CFAP210: variants seen among roughly 807,000 people sequenced by gnomAD.
CFAP210 encodes the protein cilia- and flagella- associated protein 210.
chr2:169,663,211 G>A, the CFAP210 span, among the ~76,000 whole-genome samples: 75 of 151,350 alleles, frequency 5.0e-4, 2 homozygotes, highest in East Asian at 0.014. Flanking sequence ...GAAAACTCAC[G>A]CATCCTTGCT....
chr2:169,683,089 C>A, the CFAP210 span, among the ~76,000 whole-genome samples: 3 of 152,082 alleles, frequency 2.0e-5, no homozygotes, highest in Non-Finnish European at 4.4e-5. Context: ...ATAAAGTCTT[C>A]TTGGGGTTTA....
the CFAP210 span, among the ~76,000 whole-genome samples, chr2:169,660,108 G>C: frequency 6.6e-6 from 1 of 151,646 alleles, no homozygotes; most frequent in African/African-American, 2.4e-5. Context: ...AACTTTTCTG[G>C]CTGGGCACGG....
chr2:169,650,418 C>A, the CFAP210 span: 13 of 1,607,622 alleles, frequency 8.1e-6, no homozygotes, highest in Non-Finnish European at 1.1e-5. Context: ...TCAGCCTCAG[C>A]TTCTGCAATA....
chr2:169,657,500 T>C, the CFAP210 span, among the ~76,000 whole-genome samples: 1 of 152,126 alleles, frequency 6.6e-6, no homozygotes, highest in Non-Finnish European at 1.5e-5. Flanking sequence ...GACAGATCAC[T>C]TGAGGCCAAG....
chr2:169,688,282 T>C, the CFAP210 span, among the ~76,000 whole-genome samples: 1 of 152,220 alleles, frequency 6.6e-6, no homozygotes, highest in Non-Finnish European at 1.5e-5. Context: ...TGGCTTGAAT[T>C]TCTCCCCAGA....
At chr2:169,674,855 C>A in the CFAP210 span, 5 of 1,501,516 alleles carry the variant, frequency 3.3e-6, no homozygotes, top group Middle Eastern at 5.2e-4. Context: ...TACAAGAAAA[C>A]TCAAGTAGTA....
the CFAP210 span, among the ~76,000 whole-genome samples, chr2:169,652,791 C>T: frequency 4.7e-5 from 7 of 149,576 alleles, no homozygotes; most frequent in Admixed American, 2.7e-4. Flanking sequence ...GTCAGGAGAT[C>T]GAGACCATCC....
the CFAP210 span, among the ~76,000 whole-genome samples, chr2:169,678,650 C>A: frequency 6.6e-6 from 1 of 151,878 alleles, no homozygotes; most frequent in Non-Finnish European, 1.5e-5. Context: ...CATGATGAAA[C>A]CCAGTCTCTA....
At chr2:169,659,664 C>T in the CFAP210 span, among the ~76,000 whole-genome samples, 1 of 152,186 alleles carries the variant, frequency 6.6e-6, no homozygotes, top group African/African-American at 2.4e-5. Context: ...CAATACAGAG[C>T]CAAACCATAT....
the CFAP210 span, among the ~76,000 whole-genome samples, chr2:169,682,901 C>T: frequency 3.3e-5 from 5 of 152,148 alleles, no homozygotes; most frequent in East Asian, 1.9e-4. Flanking sequence ...ATCTACTGTA[C>T]GTAAAGAATT....
At chr2:169,647,748 A>C in the CFAP210 span, among the ~76,000 whole-genome samples, 8 of 152,226 alleles carry the variant, frequency 5.3e-5, no homozygotes, top group African/African-American at 1.9e-4. Context: ...CTATCAATGG[A>C]GTAAAAAGGT....
chr2:169,689,500 TATAA>T, the CFAP210 span, among the ~76,000 whole-genome samples: 1 of 152,228 alleles, frequency 6.6e-6, no homozygotes, highest in Non-Finnish European at 1.5e-5. Flanking sequence ...TATTAGATCT[TATAA>T]ATGTTTAGTA....
chr2:169,649,645 C>T, the CFAP210 span, among the ~76,000 whole-genome samples: 1 of 152,092 alleles, frequency 6.6e-6, no homozygotes, highest in Non-Finnish European at 1.5e-5. Flanking sequence ...TTAATTGCTC[C>T]AGCCATACTT....
chr2:169,667,282 G>A, the CFAP210 span, among the ~76,000 whole-genome samples: 31 of 151,972 alleles, frequency 2.0e-4, no homozygotes, highest in Admixed American at 1.8e-3. Flanking sequence ...AGGATTACAG[G>A]TGCCCGCCAC....
At chr2:169,650,279 A>G in the CFAP210 span, 22 of 1,414,340 alleles carry the variant, frequency 1.6e-5, no homozygotes, top group East Asian at 5.7e-4. Context: ...CACAGTGGAA[A>G]GGTCCTAACT....
At chr2:169,674,550 C>T in the CFAP210 span, 2 of 1,524,664 alleles carry the variant, frequency 1.3e-6, no homozygotes, top group East Asian at 2.5e-5. Context: ...GAGAAAGGTA[C>T]AAAAAGGTAT....
chr2:169,672,513 T>G, the CFAP210 span, among the ~76,000 whole-genome samples: 89 of 152,282 alleles, frequency 5.8e-4, 1 homozygote, highest in African/African-American at 2.1e-3. Flanking sequence ...CAGTGCAGCC[T>G]TCAGTCTGTG....
At chr2:169,679,536 C>T in the CFAP210 span, among the ~76,000 whole-genome samples, 1 of 151,982 alleles carries the variant, frequency 6.6e-6, no homozygotes, top group Non-Finnish European at 1.5e-5. Context: ...AAAAAATTAG[C>T]CAGGCATGGT....
the CFAP210 span, among the ~76,000 whole-genome samples, chr2:169,683,458 T>C: frequency 6.6e-6 from 1 of 152,248 alleles, no homozygotes; most frequent in African/African-American, 2.4e-5. Flanking sequence ...TTGGCTTTTG[T>C]TACCTGCAAT....
Sources: allele counts gnomAD v4.1 joint callset (sites outside exome capture counted in the v4.1 genomes callset), GRCh38; gene constraint gnomAD v4.1.1; transcripts MANE v1.5; gene names NCBI Gene and HGNC (gene_info 2026-07-23, HGNC 2026-07-21).